Variants in TNFSF4 observed in about 807,000 individuals in gnomAD.
TNFSF4 encodes the protein tumor necrosis factor ligand superfamily member 4.
Under a neutral mutation model 7.3 loss-of-function variants are expected in TNFSF4, and 4 were observed. The ratio of observed to expected loss-of-function variants is 0.55; its 90% CI spans 0.27 to 1.25. TNFSF4 has a LOEUF of 1.25. TNFSF4 is among the 50% of genes most tolerant of loss of function. TNFSF4 has a pLI of 0.12. For missense variants in TNFSF4, 181 were observed against 208.8 expected (o/e 0.87, Z 0.82); for synonymous variants, 76 against 83.7 (o/e 0.91, Z 0.50).
chr1:173,325,907 A>G, the TNFSF4 span, among the ~76,000 whole-genome samples: 1 of 152,202 alleles, frequency 6.6e-6, no homozygotes, highest in African/African-American at 2.4e-5. Context: ...CCAGGACCAG[A>G]TGGATTCACA....
chr1:173,420,497 G>A, the TNFSF4 span, among the ~76,000 whole-genome samples: 3 of 152,186 alleles, frequency 2.0e-5, no homozygotes, highest in East Asian at 5.8e-4. Flanking sequence ...GCCTCACTTA[G>A]GCACATTGCA....
chr1:173,299,906 T>C, the TNFSF4 span, among the ~76,000 whole-genome samples: 1 of 151,802 alleles, frequency 6.6e-6, no homozygotes, highest in Non-Finnish European at 1.5e-5. Flanking sequence ...GCTGAGGGGC[T>C]CATCAACTAA....
the TNFSF4 span, among the ~76,000 whole-genome samples, chr1:173,439,327 T>C: frequency 2.0e-5 from 3 of 152,252 alleles, no homozygotes; most frequent in Non-Finnish European, 4.4e-5. Context: ...TGCTATTTAC[T>C]ACCTATAATG....
the TNFSF4 span, among the ~76,000 whole-genome samples, chr1:173,235,693 A>G: frequency 6.6e-6 from 1 of 152,234 alleles, no homozygotes; most frequent in African/African-American, 2.4e-5. Context: ...CTCCTTCTCT[A>G]TCACTTTTAT....
the TNFSF4 span, among the ~76,000 whole-genome samples, chr1:173,382,489 G>C: frequency 3.3e-5 from 5 of 152,188 alleles, no homozygotes; most frequent in Non-Finnish European, 7.3e-5. Flanking sequence ...GGGTTGATGA[G>C]TGCAGCAAAC....
At chr1:173,350,627 G>A in the TNFSF4 span, among the ~76,000 whole-genome samples, 1 of 152,166 alleles carries the variant, frequency 6.6e-6, no homozygotes, top group Non-Finnish European at 1.5e-5. Context: ...TGTGGGCCTA[G>A]GAGACCTTGG....
the TNFSF4 span, among the ~76,000 whole-genome samples, chr1:173,348,748 C>T: frequency 6.6e-6 from 1 of 152,096 alleles, no homozygotes; most frequent in Non-Finnish European, 1.5e-5. Context: ...ATATTAACAT[C>T]ATAAGAAGAT....
At chr1:173,347,894 C>G in the TNFSF4 span, among the ~76,000 whole-genome samples, 1 of 152,202 alleles carries the variant, frequency 6.6e-6, no homozygotes, top group Non-Finnish European at 1.5e-5. Flanking sequence ...TAGCTCCCTT[C>G]TTTCAAGTGT....
intron 1 of TNFSF4, among the ~76,000 whole-genome samples, chr1:173,195,113 T>C (rs1649644863): frequency 6.6e-6 from 1 of 152,286 alleles, no homozygotes; most frequent in South Asian, 2.1e-4. Context: ...AAGTTCATGA[T>C]AACATCCCTT....
At chr1:173,201,485 C>T (rs1177752280) in intron 1 of TNFSF4, among the ~76,000 whole-genome samples, 1 of 152,138 alleles carries the variant, frequency 6.6e-6, no homozygotes, top group African/African-American at 2.4e-5. Flanking sequence ...TTAACGGAAG[C>T]ATGTTCATGG....
At chr1:173,329,893 A>G in the TNFSF4 span, among the ~76,000 whole-genome samples, 1 of 152,154 alleles carries the variant, frequency 6.6e-6, no homozygotes, top group South Asian at 2.1e-4. Context: ...TTAGTTATGC[A>G]CTTCCTTAAA....
chr1:173,264,970 C>T, the TNFSF4 span, among the ~76,000 whole-genome samples: 1 of 152,168 alleles, frequency 6.6e-6, no homozygotes, highest in African/African-American at 2.4e-5. Flanking sequence ...CATCACAACA[C>T]AAGGCAAAAT....
chr1:173,216,108 T>A, the TNFSF4 span, among the ~76,000 whole-genome samples: 5 of 152,086 alleles, frequency 3.3e-5, no homozygotes, highest in Non-Finnish European at 7.4e-5. Context: ...TAAGCGCAGA[T>A]CCCTGACAAG....
the TNFSF4 span, among the ~76,000 whole-genome samples, chr1:173,431,546 G>A: frequency 1.3e-5 from 2 of 152,258 alleles, no homozygotes; most frequent in East Asian, 1.9e-4. Context: ...TCTGCCTTCA[G>A]TGAACCAACT....
At chr1:173,324,722 T>C in the TNFSF4 span, among the ~76,000 whole-genome samples, 3 of 152,078 alleles carry the variant, frequency 2.0e-5, no homozygotes, top group African/African-American at 7.3e-5. Context: ...TCCTAGTCTC[T>C]GATAAAACAG....
downstream of TNFSF4, among the ~76,000 whole-genome samples, chr1:173,180,329 T>C (rs1473510867): frequency 6.6e-6 from 1 of 152,178 alleles, no homozygotes; most frequent in African/African-American, 2.4e-5. Flanking sequence ...TATTCAACGC[T>C]TGGTGAGAAG....
chr1:173,296,181 G>C, the TNFSF4 span, among the ~76,000 whole-genome samples: 1 of 151,936 alleles, frequency 6.6e-6, no homozygotes, highest in Admixed American at 6.6e-5. Flanking sequence ...AGACAAGTAT[G>C]AGTTAGCCAA....
At chr1:173,342,163 C>G in the TNFSF4 span, among the ~76,000 whole-genome samples, 40 of 152,254 alleles carry the variant, frequency 2.6e-4, no homozygotes, top group African/African-American at 7.7e-4. Context: ...TGACCAGTAA[C>G]AGGCACAGAT....
the TNFSF4 span, among the ~76,000 whole-genome samples, chr1:173,364,773 A>G: frequency 6.6e-6 from 1 of 152,172 alleles, no homozygotes; most frequent in Admixed American, 6.5e-5. Flanking sequence ...TCACTATTAT[A>G]CCACTAACTG....
Sources: gnomAD v4.1 joint callset for allele counts (sites outside exome capture counted in the v4.1 genomes callset) on GRCh38, gnomAD v4.1.1 for gene constraint, MANE v1.5 for transcripts, NCBI Gene and HGNC (gene_info 2026-07-23, HGNC 2026-07-21) for gene names.